TLN2: variants seen among roughly 807,000 people sequenced by gnomAD.
TLN2 encodes the protein talin-2.
A neutral mutation model predicts 294.7 loss-of-function variants in TLN2; 118 were observed. The ratio of observed to expected loss-of-function variants is 0.40; its 90% CI spans 0.34 to 0.47. The LOEUF (loss-of-function observed/expected upper bound fraction) is 0.47, where lower values mean the gene tolerates loss of function less well. Ranked by LOEUF, TLN2 falls within the 20% of genes least tolerant of loss-of-function variation. The pLI is 0.84. For missense variants in TLN2, 3,083 were observed against 3,282.2 expected (o/e 0.94, Z 1.48); for synonymous variants, 1,431 against 1,304.5 (o/e 1.10, Z -2.09).
intron 1 of TLN2, among the ~76,000 whole-genome samples, chr15:62,515,550 C>G (rs1049274197): frequency 1.3e-5 from 2 of 152,136 alleles, no homozygotes; most frequent in African/African-American, 4.8e-5. Flanking sequence ...GATGAGTGTT[C>G]TCCCTGAAGG....
At chr15:62,697,632 C>A in intron 14 of TLN2, 56 bp from the exon 15 acceptor site, 2 of 1,540,850 alleles carry the variant, frequency 1.3e-6, no homozygotes, top group African/African-American at 2.7e-5. Context: ...GGGGTCTCCT[C>A]ATTGCACTCC....
chr15:62,744,404 A>ATTTTTTTTTTTTTTTTTT (rs71131126), intron 32 of TLN2, among the ~76,000 whole-genome samples: 1 of 125,058 alleles, frequency 8.0e-6, no homozygotes, highest in African/African-American at 3.0e-5. Flanking sequence ...GTTATTTTTA[A>ATTTTTTTTTTTTTTTTTT]TTTTTTTTTT....
At chr15:62,536,812 A>T (rs763748119) in intron 1 of TLN2, among the ~76,000 whole-genome samples, 1 of 152,222 alleles carries the variant, frequency 6.6e-6, no homozygotes, top group African/African-American at 2.4e-5. Flanking sequence ...ATAATTGTAC[A>T]TGTTTATAGG....
In TLN2 at chr15:62,562,530, C is replaced by CATTTATTTATTTATTTATTT. The variant is rs34080138; in HGVS notation, c.-237-27148_-237-27129dup. 3.6e-3 allele frequency among the ~76,000 whole-genome samples: 548 copies of CATTTATTTATTTATTTATTT among 150,222 alleles called. 5 individuals carry two copies. Among genetic ancestry groups the CATTTATTTATTTATTTATTT allele is most frequent in the African/African-American group, 0.013 (523 of 40,640 alleles). ...CTAGCCTTCCTGAACATCTCTCCTC[C>CATTTATTTATTTATTTATTT]ATTTATTTATTTATTTATTTATTTA... On this transcript the variant is annotated intron_variant, in intron 1 of 58. Transcript: ENST00000636159.
intron 1 of TLN2, among the ~76,000 whole-genome samples, chr15:62,484,351 A>G (rs747631001): frequency 1.3e-5 from 2 of 152,212 alleles, no homozygotes; most frequent in Admixed American, 1.3e-4. Flanking sequence ...GATGGTACCA[A>G]GTAAGTTCAA....
chr15:62,648,396 C>G (rs1217979651), intron 4 of TLN2, among the ~76,000 whole-genome samples: 1 of 109,522 alleles, frequency 9.1e-6, no homozygotes, highest in Admixed American at 1.2e-4. Context: ...TGAAGCGAGA[C>G]CCTGACTCAA....
intron 2 of TLN2, among the ~76,000 whole-genome samples, chr15:62,596,041 C>G (rs1273019236): frequency 6.6e-6 from 1 of 151,924 alleles, no homozygotes. Flanking sequence ...TTTGGGAGGC[C>G]GAGGCAGGTG....
At chr15:62,755,401 A>G in intron 36 of TLN2, 131 bp from the exon 37 acceptor site, 2 of 1,145,964 alleles carry the variant, frequency 1.7e-6, no homozygotes, top group Non-Finnish European at 2.4e-6. Context: ...TGAGGGTCGC[A>G]GAACTAGACA....
In TLN2 at chr15:62,657,157, G is replaced by GT. The variant is rs979244877; in HGVS notation, c.661-614_661-613insT. On this transcript the variant is annotated intron_variant, in intron 8 of 58. Coordinates refer to ENST00000636159, the MANE Select transcript of TLN2 (RefSeq NM_015059.3). ...AGAAAGGAAAGGCTGAAAAGGTGGG[G>GT]GGGGGAAGCAACAGCAGTGATGGAT... is the stretch of plus-strand genomic sequence containing the variant. 7.3e-5 allele frequency among the ~76,000 whole-genome samples: 11 copies of GT among 150,520 alleles called. No homozygotes were observed. In the East Asian group the frequency reaches 2.0e-3, roughly 27 times the overall value.
intron 1 of TLN2, among the ~76,000 whole-genome samples, chr15:62,522,688 T>C (rs1235446976): frequency 1.3e-5 from 2 of 152,114 alleles, no homozygotes; most frequent in Non-Finnish European, 2.9e-5. Context: ...GTTTGGCAGG[T>C]TTTCTTGCTG....
At chr15:62,658,831 G>A (rs2053516969) in intron 9 of TLN2, among the ~76,000 whole-genome samples, 1 of 152,212 alleles carries the variant, frequency 6.6e-6, no homozygotes, top group Middle Eastern at 3.4e-3. Flanking sequence ...CTAGCCTCAC[G>A]GCTGGCCCCT....
intron 1 of TLN2, among the ~76,000 whole-genome samples, chr15:62,436,186 A>G (rs183250435): frequency 6.6e-6 from 1 of 152,298 alleles, no homozygotes; most frequent in Non-Finnish European, 1.5e-5. Flanking sequence ...TCAGTCATCC[A>G]TTGATCTATT....
At chr15:62,447,437 A>C (rs923939926) in intron 1 of TLN2, among the ~76,000 whole-genome samples, 1 of 151,856 alleles carries the variant, frequency 6.6e-6, no homozygotes, top group African/African-American at 2.4e-5. Context: ...TCACACTTCA[A>C]AATCTCTGAG....
At chr15:62,835,567 C>T (rs1053412776) in intron 55 of TLN2, 170 bp from the exon 56 acceptor site, 6 of 684,852 alleles carry the variant, frequency 8.8e-6, no homozygotes, top group Admixed American at 7.6e-5. Flanking sequence ...TCTTTCTTGG[C>T]ATGGCCTGAG....
rs573443993 is a variant in TLN2 at position 62,570,568 on chromosome 15, T to C, written c.-237-19119T>C. On this transcript the variant is annotated intron_variant, in intron 1 of 58. Coordinates refer to ENST00000636159, the MANE Select transcript of TLN2 (RefSeq NM_015059.3). Reference sequence around the variant, plus strand: ...CCACTCTCTCTCTTTCCCTCCCCTCTCTGAACAAGTCTGAATATTCTCTTT... The same window carrying C: ...CCACTCTCTCTCTTTCCCTCCCCTCCCTGAACAAGTCTGAATATTCTCTTT... Among the ~76,000 whole-genome samples, 21 of 152,310 alleles carry C rather than the reference T, an allele frequency of 1.4e-4. 1 individual carries two copies. In the South Asian group the frequency reaches 4.4e-3, roughly 32 times the overall value.
At chr15:62,470,155 A>T (rs1182408272) in intron 1 of TLN2, among the ~76,000 whole-genome samples, 3 of 152,238 alleles carry the variant, frequency 2.0e-5, no homozygotes, top group African/African-American at 7.2e-5. Flanking sequence ...CTGAGACTGC[A>T]CATAAGTGGG....
chr15:62,586,217 C>T (rs7182711), intron 1 of TLN2, among the ~76,000 whole-genome samples: 20,330 of 152,190 alleles, frequency 0.13, 3,009 homozygotes, highest in African/African-American at 0.37. Flanking sequence ...GCAATTCACA[C>T]TGGGTGGCCC....
At chr15:62,815,206 CA>C (rs2067013973) in intron 52 of TLN2, among the ~76,000 whole-genome samples, 1 of 151,324 alleles carries the variant, frequency 6.6e-6, no homozygotes, top group African/African-American at 2.4e-5. Context: ...CACACACACA[CA>C]CACACACACA....
intron 1 of TLN2, among the ~76,000 whole-genome samples, chr15:62,524,049 G>A (rs899475700): frequency 5.3e-5 from 8 of 152,200 alleles, no homozygotes; most frequent in Non-Finnish European, 1.2e-4. Flanking sequence ...GTGAAAGGTG[G>A]TTTGTGGGAA....
Sources: allele counts gnomAD v4.1 joint callset (sites outside exome capture counted in the v4.1 genomes callset), GRCh38; gene constraint gnomAD v4.1.1; transcripts MANE v1.5; gene names NCBI Gene and HGNC (gene_info 2026-07-23, HGNC 2026-07-21).